MBTPS1: variants seen among roughly 807,000 people sequenced by gnomAD.
MBTPS1 encodes the protein membrane bound transcription factor peptidase, site 1.
MBTPS1 carries 94 observed loss-of-function variants against 127.8 expected under a neutral mutation model. The observed-to-expected ratio is 0.74, with a 90% CI of 0.62 to 0.87. The LOEUF (loss-of-function observed/expected upper bound fraction) is 0.87. Among genes scored for constraint, MBTPS1 ranks in the 40% least tolerant of loss-of-function variants. MBTPS1 has a pLI of 0.00. For missense variants in MBTPS1, 1,636 were observed against 1,353.2 expected, an observed-to-expected ratio of 1.21 and a Z score of -3.28; for synonymous variants, 632 against 509.4, an observed-to-expected ratio of 1.24 and a Z score of -3.24.
At chr16:84,096,113 A>G (rs572099747) in intron 3 of MBTPS1, among the ~76,000 whole-genome samples, 22 of 152,306 alleles carry the variant, frequency 1.4e-4, no homozygotes, top group Admixed American at 5.2e-4. Flanking sequence ...AAAAATAAAG[A>G]AAAACCTGAT....
chr16:84,074,655 G>C lies in MBTPS1; in HGVS notation c.1535C>G (p.Thr512Arg), dbSNP rs150184651. Residue 512 changes from threonine to arginine, a missense_variant, in exon 12 of 23, where the codon ACA (threonine) becomes AGA (arginine). Physicochemically the swap from Thr to Arg is moderately conservative, Grantham distance 71. Coordinates refer to ENST00000343411, the MANE Select transcript of MBTPS1 (RefSeq NM_003791.4). ...SQPIYYGGMPTVVNVTILNGM... is the reference protein window; with the variant it reads ...SQPIYYGGMPRVVNVTILNGM... ...GTTGAGGATGGTGACATTAACAACT[G>C]TCGGCATTCCTCCATAGTAGATGGG... 6.2e-6 allele frequency: 10 copies of C among 1,614,110 alleles called. No individual in the cohort carries two copies. Among genetic ancestry groups the C allele is most frequent in the Middle Eastern group, 1.6e-4 (1 of 6,062 alleles).
chr16:84,087,474 A>G lies in MBTPS1; in HGVS notation c.1032-14T>C. The G allele has an allele frequency of 1.0e-4, 4 of 39,030 alleles. No individual in the cohort carries two copies. Among genetic ancestry groups the G allele is most frequent in the Non-Finnish European group, 2.3e-4 (4 of 17,288 alleles). The allele number at this position is 39,030 out of a possible 1,614,324, so 2.4% of individuals were successfully genotyped here. A position where few individuals can be genotyped will look rare whatever the true frequency, so the allele number is the denominator to read the frequency against. Reference sequence around the variant, plus strand: ...TTATTCAGAGTGCTATATTGAGACCAAAAAAAAAAAAAAAGAAAAGAAAAA... The same window carrying G: ...TTATTCAGAGTGCTATATTGAGACCGAAAAAAAAAAAAAAGAAAAGAAAAA... On this transcript the variant is annotated splice_polypyrimidine_tract_variant and intron_variant, in intron 8 of 22. Transcript: ENST00000343411.
chr16:84,055,595 C>A (rs2085510494), intron 22 of MBTPS1, among the ~76,000 whole-genome samples: 1 of 152,166 alleles, frequency 6.6e-6, no homozygotes, highest in South Asian at 2.1e-4. Flanking sequence ...ACTGAAGGGG[C>A]CTTCTGGGCT....
chr16:84,062,115 AATTTT>A (rs1032419375), intron 19 of MBTPS1, among the ~76,000 whole-genome samples: 60 of 152,172 alleles, frequency 3.9e-4, no homozygotes, highest in African/African-American at 1.4e-3. Flanking sequence ...TTTTAATTTT[AATTTT>A]ATTTTATTAT....
intron 1 of MBTPS1, among the ~76,000 whole-genome samples, chr16:84,105,089 C>T (rs1336701473): frequency 1.3e-5 from 2 of 150,464 alleles, no homozygotes; most frequent in African/African-American, 2.5e-5. Context: ...TGGGTGACAG[C>T]GAGACTCTGT....
In MBTPS1 at chr16:84,067,798, C is replaced by T. The variant is rs1244278260; in HGVS notation, c.2097G>A (p.Glu699=). The T allele has an allele frequency of 1.2e-6, 2 of 1,612,554 alleles. No homozygotes were observed. Among genetic ancestry groups the T allele is most frequent in the Non-Finnish European group, 1.7e-6 (2 of 1,178,778 alleles). Residue 699 remains glutamate, a synonymous_variant, in exon 16 of 23, where the codon GAG becomes GAA. Transcript: ENST00000343411. The part of the protein sequence containing the change: ...QYGTLLMVDS[E]EEYFPEEIAK... ...CGATCTCTTCAGGGAAGTACTCCTC[C>T]TCACTGTCCACCATCAGCAAAGTGC...
At chr16:84,091,710 C>T (rs924161824) in intron 7 of MBTPS1, 22 bp downstream of exon 7, 15 of 1,536,602 alleles carry the variant, frequency 9.8e-6, no homozygotes, top group East Asian at 6.8e-5. Context: ...ACCCAAACCC[C>T]GTGTGCAGTG....
intron 7 of MBTPS1, 71 bp from the exon 8 acceptor site, chr16:84,091,013 A>G: frequency 9.1e-7 from 1 of 1,098,226 alleles, no homozygotes; most frequent in Admixed American, 2.1e-5. Context: ...AAAAAAAAAA[A>G]AACCATACAC....
rs192763727 is a variant in MBTPS1 at position 84,111,225 on chromosome 16, T to C, written c.-325+5510A>G. On this transcript the variant is annotated intron_variant, in intron 1 of 22. Transcript: ENST00000343411. Reference sequence around the variant, plus strand: ...GAGAGAGGCAGGAGATGACAACAGGTAGTAATAGATGTGATGATGAAAGCA... The same window carrying C: ...GAGAGAGGCAGGAGATGACAACAGGCAGTAATAGATGTGATGATGAAAGCA... Among the ~76,000 whole-genome samples, 49 of 152,038 alleles carry C rather than the reference T, an allele frequency of 3.2e-4. 1 individual carries two copies. Among genetic ancestry groups the C allele is most frequent in the African/African-American group, 1.0e-3 (43 of 41,476 alleles).
chr16:84,060,740 A>G lies in MBTPS1; in HGVS notation c.2646T>C (p.Ser882=). Residue 882 remains serine, a synonymous_variant, in exon 20 of 23, where the codon TCT becomes TCC. Transcript: ENST00000343411. The part of the protein sequence containing the change: ...YGVTPPSLSH[S]GNRQRPPSGA... The stretch of plus-strand genomic sequence containing the variant: ...CACTGGGAGGGCGCTGGCGGTTCCC[A>G]GAGTGACTGAGGCTAGGCGGTGTCA... The G allele has an allele frequency of 6.2e-7, 1 of 1,612,940 alleles. No homozygotes were observed. Among genetic ancestry groups the G allele is most frequent in the Non-Finnish European group, 8.5e-7 (1 of 1,179,548 alleles).
chr16:84,056,079 G>A lies in MBTPS1; in HGVS notation c.2888C>T (p.Pro963Leu), dbSNP rs1004001957. 10 of 1,614,062 alleles carry A rather than the reference G, an allele frequency of 6.2e-6. No individual in the cohort carries two copies. Among genetic ancestry groups the A allele is most frequent in the Non-Finnish European group, 8.5e-6 (10 of 1,179,938 alleles). Residue 963 changes from proline (P) to leucine (L), a missense_variant, in exon 22 of 23, where the codon CCC becomes CTC. By Grantham distance (98) the Pro-to-Leu change is moderately conservative. Coordinates refer to ENST00000343411, the MANE Select transcript of MBTPS1 (RefSeq NM_003791.4). ...LSIDLDKVVL[P>L]NFRSNRPQVR... ...TTGAGGGCGATTCGATCGAAAGTTG[G>A]GTAACACCACCTTGTCCAGGTCAAT... is the stretch of plus-strand genomic sequence containing the variant.
At chr16:84,104,348 G>C (rs1033142795) in intron 1 of MBTPS1, among the ~76,000 whole-genome samples, 4 of 152,050 alleles carry the variant, frequency 2.6e-5, no homozygotes, top group African/African-American at 9.7e-5. Context: ...GCTAGGCATG[G>C]TGGCGCGCCT....
At position 84,054,559 on chromosome 16, in the gene MBTPS1, A is replaced by G; in HGVS notation, c.3049T>C (p.Phe1017Leu). 1 of 1,614,030 alleles carries G rather than the reference A, an allele frequency of 6.2e-7. No individual in the cohort carries two copies. The highest frequency in any genetic ancestry group is 8.5e-7 in the Non-Finnish European group (1 of 1,179,922). The change falls in exon 23 of 23, where the codon TTT becomes CTT. Residue 1017 changes from phenylalanine (F) to leucine (L), a missense_variant. Coordinates refer to ENST00000343411, the MANE Select transcript of MBTPS1 (RefSeq NM_003791.4). ...TTGGCCTTGTTGATTTGTACCACAA[A>G]GAAGGCCAGGACCACCATGGCTCCC... ...FLGAMVVLAF[F>L]VVQINKAKSR...
At chr16:84,074,446 C>T (rs1192352023) in intron 12 of MBTPS1, 151 bp downstream of exon 12, 2 of 647,720 alleles carry the variant, frequency 3.1e-6, no homozygotes, top group South Asian at 3.9e-5. Flanking sequence ...GTTGCTCAGG[C>T]TGGTCTTAAA....
chr16:84,097,155 A>G (rs2086188780), intron 3 of MBTPS1, among the ~76,000 whole-genome samples: 1 of 152,208 alleles, frequency 6.6e-6, no homozygotes, highest in Admixed American at 6.5e-5. Flanking sequence ...GAAAACAGAT[A>G]GGCTTTGTCT....
At chr16:84,093,546 A>AC (rs1236308882) in intron 5 of MBTPS1, among the ~76,000 whole-genome samples, 165 bp downstream of exon 5, 1 of 152,086 alleles carries the variant, frequency 6.6e-6, no homozygotes, top group Non-Finnish European at 1.5e-5. Flanking sequence ...CTGAAGTGCT[A>AC]CCTCCCGACA....
intron 13 of MBTPS1, 103 bp from the exon 14 acceptor site, chr16:84,070,141 G>A: frequency 1.0e-6 from 1 of 971,100 alleles, no homozygotes; most frequent in Admixed American, 2.8e-5. Context: ...TAAATAATTT[G>A]AACACAAGAA....
rs796571499 is a variant in MBTPS1 at position 84,108,710 on chromosome 16, G to A, written c.-324-6603C>T. 4.6e-5 allele frequency among the ~76,000 whole-genome samples: 7 copies of A among 152,338 alleles called. No individual in the cohort carries two copies. The East Asian group carries it at 1.2e-3, about 25-fold the overall frequency. ...GTCTTAAGAGTCTGAGCGGAGTGAGGAAGGTATGTGAAGGGAGAGGCACCA... is the reference window on the plus strand; with the variant it reads ...GTCTTAAGAGTCTGAGCGGAGTGAGAAAGGTATGTGAAGGGAGAGGCACCA... On this transcript the variant is annotated intron_variant, in intron 1 of 22. Coordinates refer to ENST00000343411, the MANE Select transcript of MBTPS1 (RefSeq NM_003791.4).
In MBTPS1 at chr16:84,072,442, C is replaced by T. The variant is rs78392276; in HGVS notation, c.1594-1666G>A. 9.0e-3 allele frequency among the ~76,000 whole-genome samples: 1,368 copies of T among 152,270 alleles called. 22 individuals are homozygous for T. Among genetic ancestry groups the T allele is most frequent in the African/African-American group, 0.031 (1,305 of 41,554 alleles). ...GTGCGACCTAAAAGGGTGAATTTCA[C>T]GATACGTGGATTTTATCTCAATTTT... is the stretch of plus-strand genomic sequence containing the variant. On this transcript the variant is annotated intron_variant, in intron 12 of 22. Coordinates refer to ENST00000343411, the MANE Select transcript of MBTPS1 (RefSeq NM_003791.4).
Sources: allele counts gnomAD v4.1 joint callset (sites outside exome capture counted in the v4.1 genomes callset), GRCh38; gene constraint gnomAD v4.1.1; transcripts MANE v1.5; gene names NCBI Gene and HGNC (gene_info 2026-07-23, HGNC 2026-07-21).